CCSER1: variants seen among roughly 807,000 people sequenced by gnomAD.
CCSER1 encodes coiled-coil serine rich protein 1, also known as serine-rich coiled-coil domain-containing protein 1.
Under a neutral mutation model 82.0 loss-of-function variants are expected in CCSER1, and 41 were observed. That is an observed-to-expected ratio of 0.50 (90% CI 0.39 to 0.65). The LOEUF is 0.65. Among genes scored for constraint, CCSER1 ranks in the 30% least tolerant of loss-of-function variants. The probability of loss-of-function intolerance (pLI) is 0.00; values close to 1 mark genes in which losing one functional copy is unlikely to be tolerated. For missense variants in CCSER1, 1,119 were observed against 1,064.2 expected, an observed-to-expected ratio of 1.05 and a Z score of -0.72; for synonymous variants, 414 against 383.9, an observed-to-expected ratio of 1.08 and a Z score of -0.92.
chr4:90,810,656 A>ACAACAACAG lies in CCSER1; in HGVS notation c.2011-5098_2011-5097insGCAACAACA, dbSNP rs1482485500. Among the ~76,000 whole-genome samples, 529 of 136,372 alleles carry ACAACAACAG rather than the reference A, an allele frequency of 3.9e-3. 2 individuals are homozygous for ACAACAACAG. Among genetic ancestry groups the ACAACAACAG allele is most frequent in the African/African-American group, 0.014 (507 of 35,294 alleles). The allele number at this position is 136,372 out of a possible 152,430, so 89.5% of individuals were successfully genotyped here. A position where few individuals can be genotyped will look rare whatever the true frequency, so the allele number is the denominator to read the frequency against. On this transcript the variant is annotated intron_variant, in intron 7 of 10. Transcript: ENST00000509176. ...GCGAGACTCCCTCTCAACAACAACA[A>ACAACAACAG]CAACAACAACAACAACAACAACAAC...
chr4:91,226,080 G>C (rs1389687340), intron 10 of CCSER1, among the ~76,000 whole-genome samples: 1 of 151,954 alleles, frequency 6.6e-6, no homozygotes, highest in Non-Finnish European at 1.5e-5. Context: ...ATGTATACAA[G>C]TGCGATGTTG....
At chr4:90,692,099 C>T (rs1170406942) in intron 6 of CCSER1, among the ~76,000 whole-genome samples, 1 of 148,536 alleles carries the variant, frequency 6.7e-6, no homozygotes, top group African/African-American at 2.5e-5. Flanking sequence ...TTATAGAGCT[C>T]TTATGATCAT....
At chr4:90,986,229 TTCTG>T (rs1207865012) in intron 9 of CCSER1, among the ~76,000 whole-genome samples, 8 of 151,832 alleles carry the variant, frequency 5.3e-5, no homozygotes, top group South Asian at 2.1e-4. Flanking sequence ...GAGTCCTGCT[TTCTG>T]TCTTTTTCTC....
intron 5 of CCSER1, among the ~76,000 whole-genome samples, chr4:90,578,623 C>T (rs1341500794): frequency 3.9e-5 from 6 of 152,152 alleles, no homozygotes; most frequent in Non-Finnish European, 7.4e-5. Flanking sequence ...AGAATATTCT[C>T]CCATCTCAAC....
chr4:91,181,099 G>A (rs1733986811), intron 10 of CCSER1, among the ~76,000 whole-genome samples: 1 of 152,192 alleles, frequency 6.6e-6, no homozygotes, highest in African/African-American at 2.4e-5. Flanking sequence ...TGGGCATTAG[G>A]GCCATTATGA....
intron 8 of CCSER1, among the ~76,000 whole-genome samples, chr4:90,838,080 A>G (rs949399550): frequency 6.6e-6 from 1 of 152,082 alleles, no homozygotes; most frequent in Admixed American, 6.6e-5. Flanking sequence ...AAAGAAAAAA[A>G]ACCCAATCTT....
chr4:90,772,753 T>C (rs1416305503), intron 7 of CCSER1, among the ~76,000 whole-genome samples: 1 of 152,226 alleles, frequency 6.6e-6, no homozygotes, highest in African/African-American at 2.4e-5. Flanking sequence ...AAAAATAGGC[T>C]TTTCTTATTG....
At position 90,635,311 on chromosome 4, in the gene CCSER1, G is replaced by T. The variant is rs561265298; in HGVS notation, c.1932+7079G>T. 2.3e-3 allele frequency among the ~76,000 whole-genome samples: 353 copies of T among 151,210 alleles called. 2 individuals are homozygous for T. The highest frequency in any genetic ancestry group is 3.6e-3 in the Non-Finnish European group (240 of 67,568). On this transcript the variant is annotated intron_variant, in intron 6 of 10. Coordinates refer to ENST00000509176, the MANE Select transcript of CCSER1 (RefSeq NM_001145065.2). The stretch of plus-strand genomic sequence containing the variant: ...CATCGTCAAGACACACTATATACTG[G>T]GTCACACAATAAGTCCCATTAAATT...
At chr4:90,634,825 C>G (rs1725126689) in intron 6 of CCSER1, among the ~76,000 whole-genome samples, 1 of 151,746 alleles carries the variant, frequency 6.6e-6, no homozygotes, top group Non-Finnish European at 1.5e-5. Flanking sequence ...TTGCTACCTT[C>G]TTTATGTTTA....
At chr4:90,871,561 G>T (rs935941457) in intron 8 of CCSER1, among the ~76,000 whole-genome samples, 1 of 151,464 alleles carries the variant, frequency 6.6e-6, no homozygotes, top group Admixed American at 6.6e-5. Flanking sequence ...TTTTGTTTTT[G>T]AAGACCCTTT....
intron 10 of CCSER1, among the ~76,000 whole-genome samples, chr4:91,219,952 A>G (rs1223898342): frequency 6.6e-6 from 1 of 152,164 alleles, no homozygotes; most frequent in African/African-American, 2.4e-5. Flanking sequence ...GTGTTTTTAG[A>G]ACCTCTCTTA....
At chr4:91,059,327 T>A (rs932057322) in intron 9 of CCSER1, among the ~76,000 whole-genome samples, 1 of 150,280 alleles carries the variant, frequency 6.7e-6, no homozygotes, top group African/African-American at 2.4e-5. Flanking sequence ...TATATACATA[T>A]AGTGTATATA....
chr4:90,480,462 T>TGG (rs1416728016), intron 5 of CCSER1, among the ~76,000 whole-genome samples: 59 of 152,304 alleles, frequency 3.9e-4, no homozygotes, highest in African/African-American at 1.4e-3. Flanking sequence ...CATGCCTACA[T>TGG]CCTGAATGGT....
intron 1 of CCSER1, among the ~76,000 whole-genome samples, chr4:90,259,677 G>A (rs1316955249): frequency 2.0e-5 from 3 of 152,020 alleles, no homozygotes; most frequent in Non-Finnish European, 4.4e-5. Context: ...AGGGATGCTG[G>A]ATTTTACCAA....
chr4:90,228,300 A>T (rs557895823), intron 1 of CCSER1, among the ~76,000 whole-genome samples: 1 of 152,334 alleles, frequency 6.6e-6, no homozygotes, highest in Non-Finnish European at 1.5e-5. Context: ...TGCCTCCTCA[A>T]GTGGGTCCCT....
intron 10 of CCSER1, among the ~76,000 whole-genome samples, chr4:91,253,427 G>C (rs1031271992): frequency 2.6e-5 from 4 of 152,090 alleles, no homozygotes; most frequent in African/African-American, 9.7e-5. Flanking sequence ...ATTTTCAACT[G>C]TGTGGGGTTC....
rs371587443 is a variant in CCSER1 at position 90,260,861 on chromosome 4, G to A, written c.-41-47383G>A. Among the ~76,000 whole-genome samples, 23 of 152,178 alleles carry A rather than the reference G, an allele frequency of 1.5e-4. No individual in the cohort carries two copies. In the East Asian group the frequency reaches 1.5e-3, roughly 10 times the overall value. On this transcript the variant is annotated intron_variant, in intron 1 of 10. Transcript: ENST00000509176. Reference sequence around the variant, plus strand: ...CTCCCGAGTAGCTAGGATTACAGGCGTGTGCCAGCACACCTGGCTAATTTT... The same window carrying A: ...CTCCCGAGTAGCTAGGATTACAGGCATGTGCCAGCACACCTGGCTAATTTT...
At chr4:91,414,900 T>TA in intron 10 of CCSER1, among the ~76,000 whole-genome samples, 1 of 152,180 alleles carries the variant, frequency 6.6e-6, no homozygotes, top group Non-Finnish European at 1.5e-5. Context: ...AAGTGCATCA[T>TA]ATGCACCCAA....
In CCSER1 at chr4:91,010,855, G is replaced by A. The variant is rs1190362566; in HGVS notation, c.2173-75095G>A. 4.5e-5 allele frequency among the ~76,000 whole-genome samples: 6 copies of A among 133,898 alleles called. 1 individual carries two copies. Among genetic ancestry groups the A allele is most frequent in the Non-Finnish European group, 1.0e-4 (6 of 57,734 alleles). 87.8% of individuals were successfully genotyped at this position (133,898 alleles called of 152,430 possible). On this transcript the variant is annotated intron_variant, in intron 9 of 10. Transcript: ENST00000509176. The stretch of plus-strand genomic sequence containing the variant: ...TTAAATTGTTTATCTGTACTCTCTT[G>A]TATCTCACTGAGTTTCCTTAAGATC...
Sources: gnomAD v4.1 joint callset for allele counts (sites outside exome capture counted in the v4.1 genomes callset) on GRCh38, gnomAD v4.1.1 for gene constraint, MANE v1.5 for transcripts, NCBI Gene and HGNC (gene_info 2026-07-23, HGNC 2026-07-21) for gene names.